The following MYO1D variants were observed in gnomAD, a reference collection of about 807,000 sequenced individuals.
MYO1D encodes the protein unconventional myosin-Id.
MYO1D carries 83 observed loss-of-function variants against 122.0 expected under a neutral mutation model. That is an observed-to-expected ratio of 0.68 (90% CI 0.57 to 0.82). The LOEUF (loss-of-function observed/expected upper bound fraction) is 0.82. Among genes scored for constraint, MYO1D ranks in the 40% least tolerant of loss-of-function variants. MYO1D has a pLI of 0.00. For synonymous variants in MYO1D, 464 were observed against 446.9 expected, an observed-to-expected ratio of 1.04 and a Z score of -0.48; for missense variants, 1,157 against 1,269.5, an observed-to-expected ratio of 0.91 and a Z score of 1.35.
intron 11 of MYO1D, among the ~76,000 whole-genome samples, chr17:32,753,991 C>T (rs2089923300): frequency 6.6e-6 from 1 of 151,766 alleles, no homozygotes; most frequent in African/African-American, 2.4e-5. Flanking sequence ...TAGAAGATAT[C>T]AAAATGAGGT....
At chr17:32,698,269 T>C (rs545873762) in intron 16 of MYO1D, among the ~76,000 whole-genome samples, 99 of 148,984 alleles carry the variant, frequency 6.6e-4, no homozygotes, top group African/African-American at 2.4e-3. Context: ...CTTCCTTCCT[T>C]CTTCCTTCCT....
intron 13 of MYO1D, among the ~76,000 whole-genome samples, chr17:32,742,070 CT>C (rs2151004844): frequency 6.6e-6 from 1 of 151,732 alleles, no homozygotes; most frequent in African/African-American, 2.4e-5. Flanking sequence ...ATGTTTGTGC[CT>C]GTGCTAGACA....
intron 1 of MYO1D, among the ~76,000 whole-genome samples, chr17:32,862,570 G>T (rs1459662454): frequency 6.6e-6 from 1 of 152,316 alleles, no homozygotes; most frequent in South Asian, 2.1e-4. Context: ...TATTAACAAG[G>T]AGGGTGGGAT....
chr17:32,723,708 C>T (rs1053783586), intron 14 of MYO1D, among the ~76,000 whole-genome samples: 21 of 152,164 alleles, frequency 1.4e-4, no homozygotes, highest in Non-Finnish European at 3.1e-4. Context: ...AGAAAAGATG[C>T]TCAGTCATCC....
At chr17:32,581,262 T>C (rs893022419) in intron 21 of MYO1D, among the ~76,000 whole-genome samples, 1 of 152,204 alleles carries the variant, frequency 6.6e-6, no homozygotes, top group African/African-American at 2.4e-5. Flanking sequence ...ACGCAGTTAA[T>C]ATTGATAGAA....
rs1490601116 is a variant in MYO1D at position 32,876,860 on chromosome 17, C to T, written c.13G>A (p.Glu5Lys). Residue 5 changes from glutamate (E) to lysine (K), a missense_variant, in exon 1 of 22, where the codon GAG becomes AAG. Coordinates refer to ENST00000318217, the MANE Select transcript of MYO1D (RefSeq NM_015194.3). MAEQESLEFGKADFV... is the reference protein window; with the variant it reads MAEQKSLEFGKADFV... ...TCTGCCTTGCCGAATTCCAGGCTCT[C>T]CTGCTCCGCCATGGCGCCAGCGCGG... 1 of 1,497,876 alleles carries T rather than the reference C, an allele frequency of 6.7e-7. No individual in the cohort carries two copies. The highest frequency in any genetic ancestry group is 1.3e-5 in the South Asian group (1 of 78,780). The allele number at this position is 1,497,876 out of a possible 1,614,324, so 92.8% of individuals were successfully genotyped here.
intron 14 of MYO1D, among the ~76,000 whole-genome samples, chr17:32,737,684 T>C (rs751434929): frequency 2.6e-5 from 4 of 152,242 alleles, no homozygotes; most frequent in Non-Finnish European, 5.9e-5. Flanking sequence ...CTCACTATAT[T>C]GTCCAGGCTG....
chr17:32,676,814 A>T (rs915986534), intron 16 of MYO1D, among the ~76,000 whole-genome samples: 4 of 146,898 alleles, frequency 2.7e-5, no homozygotes, highest in South Asian at 2.2e-4. Context: ...GAAAAATAGA[A>T]TTTTTTTTTT....
In MYO1D at chr17:32,605,204, A is replaced by G. The variant is rs1445738159; in HGVS notation, c.2747T>C (p.Leu916Pro). 1 of 1,593,654 alleles carries G rather than the reference A, an allele frequency of 6.3e-7. No individual in the cohort carries two copies. Among genetic ancestry groups the G allele is most frequent in the South Asian group, 1.1e-5 (1 of 88,814 alleles). ...GTTGTCTTTCGTATGGAACACTACAAGTTGGTCCTTTCCATTGGAGACACT... is the reference window on the plus strand; with the variant it reads ...GTTGTCTTTCGTATGGAACACTACAGGTTGGTCCTTTCCATTGGAGACACT... ...GLSVSNGKDQ[L>P]VVFHTKDNKD... Residue 916 changes from leucine to proline, a missense_variant, in exon 21 of 22, where the codon CTT becomes CCT. Transcript: ENST00000318217.
chr17:32,666,571 G>A (rs2088637790), intron 16 of MYO1D, among the ~76,000 whole-genome samples: 1 of 152,056 alleles, frequency 6.6e-6, no homozygotes, highest in South Asian at 2.1e-4. Context: ...ACATCTAACA[G>A]TCATTAAACT....
intron 1 of MYO1D, among the ~76,000 whole-genome samples, chr17:32,820,682 T>C (rs1470552616): frequency 6.6e-6 from 1 of 152,170 alleles, no homozygotes; most frequent in Non-Finnish European, 1.5e-5. Flanking sequence ...GGAGAGATAT[T>C]GGTCAAAGGG....
chr17:32,642,697 A>T (rs1445816504), intron 19 of MYO1D, among the ~76,000 whole-genome samples: 1 of 152,172 alleles, frequency 6.6e-6, no homozygotes, highest in African/African-American at 2.4e-5. Context: ...GCAATTGTGA[A>T]TGGGAGTTCA....
chr17:32,794,820 G>T (rs2090396182), intron 1 of MYO1D, among the ~76,000 whole-genome samples: 1 of 152,178 alleles, frequency 6.6e-6, no homozygotes, highest in Non-Finnish European at 1.5e-5. Context: ...GGAGCTTTAA[G>T]TATTGATCAC....
intron 1 of MYO1D, among the ~76,000 whole-genome samples, chr17:32,849,791 T>C (rs1259587475): frequency 3.0e-5 from 4 of 133,068 alleles, no homozygotes; most frequent in African/African-American, 1.1e-4. Flanking sequence ...TGTGCACATG[T>C]ACCCTAAAAC....
chr17:32,698,762 T>C (rs2089207260), intron 16 of MYO1D, among the ~76,000 whole-genome samples: 1 of 152,178 alleles, frequency 6.6e-6, no homozygotes, highest in Non-Finnish European at 1.5e-5. Context: ...TTTCATTATA[T>C]GTTTATGCTT....
chr17:32,654,059 T>G, intron 18 of MYO1D, 112 bp from the exon 19 acceptor site: 1 of 769,418 alleles, frequency 1.3e-6, no homozygotes, highest in Non-Finnish European at 2.1e-6. Flanking sequence ...ACACATGCAC[T>G]CTTTATCTCC....
At chr17:32,742,872 G>C (rs1284208251) in intron 13 of MYO1D, among the ~76,000 whole-genome samples, 1 of 152,074 alleles carries the variant, frequency 6.6e-6, no homozygotes, top group Non-Finnish European at 1.5e-5. Flanking sequence ...CTCATTTCCT[G>C]TATTCCCTTG....
intron 1 of MYO1D, among the ~76,000 whole-genome samples, chr17:32,790,576 C>T (rs1359631167): frequency 6.6e-6 from 1 of 152,212 alleles, no homozygotes; most frequent in Non-Finnish European, 1.5e-5. Flanking sequence ...GAACGATCTT[C>T]TCTTTATGTG....
Position 32,567,606 on chromosome 17 carries a change from G to A in MYO1D, c.2864+37481C>T, listed in dbSNP as rs117951247. On this transcript the variant is annotated intron_variant, in intron 21 of 21. Coordinates refer to ENST00000318217, the MANE Select transcript of MYO1D (RefSeq NM_015194.3). ...ACCTTGTACTCTTTCTCTGCCCTGT[G>A]CTGTGTTGCTTCTCAAGCATGAACA... Among the ~76,000 whole-genome samples the A allele has an allele frequency of 9.1e-4, 138 of 152,358 alleles. 1 individual carries two copies. The East Asian group carries it at 0.023, about 26-fold the overall frequency.
Sources: gnomAD v4.1 joint callset for allele counts (sites outside exome capture counted in the v4.1 genomes callset) on GRCh38, gnomAD v4.1.1 for gene constraint, MANE v1.5 for transcripts, NCBI Gene and HGNC (gene_info 2026-07-23, HGNC 2026-07-21) for gene names.